The following DNTTIP1 variants were observed in gnomAD, a reference collection of about 807,000 sequenced individuals.
DNTTIP1 encodes the protein deoxynucleotidyltransferase terminal-interacting protein 1.
A neutral mutation model predicts 52.9 loss-of-function variants in DNTTIP1; 22 were observed. The observed-to-expected ratio is 0.42, with a 90% confidence interval of 0.30 to 0.59. The LOEUF (loss-of-function observed/expected upper bound fraction) is 0.59. Among genes scored for constraint, DNTTIP1 ranks in the 20% least tolerant of loss-of-function variants. DNTTIP1 has a pLI of 0.22. For missense variants in DNTTIP1, 286 were observed against 435.5 expected, an observed-to-expected ratio of 0.66 and a Z score of 3.06; for synonymous variants, 136 against 155.1, an observed-to-expected ratio of 0.88 and a Z score of 0.92.
rs1158439842 is a variant in DNTTIP1 at position 45,800,736 on chromosome 20, T to A, written c.373-338T>A. On this transcript the variant is annotated intron_variant, in intron 4 of 12. Coordinates refer to ENST00000372622, the MANE Select transcript of DNTTIP1 (RefSeq NM_052951.3). ...ATATATATATATATATATATATATA[T>A]ATATATATATATATATATATTTGGA... is the stretch of plus-strand genomic sequence containing the variant. Among the ~76,000 whole-genome samples, 109 of 68,872 alleles carry A rather than the reference T, an allele frequency of 1.6e-3. 14 individuals are homozygous for A. The highest frequency in any genetic ancestry group is 9.6e-3 in the Middle Eastern group (1 of 104). The allele number at this position is 68,872 out of a possible 152,430, so 45.2% of individuals were successfully genotyped here. A position where few individuals can be genotyped will look rare whatever the true frequency, so the allele number is the denominator to read the frequency against.
At chr20:45,792,249 T>A in intron 1 of DNTTIP1, 140 bp downstream of exon 1, 1 of 474,176 alleles carries the variant, frequency 2.1e-6, no homozygotes, top group Non-Finnish European at 3.4e-6. Flanking sequence ...GACCTGGATT[T>A]AAATTCTGGT....
At chr20:45,810,279 C>G (rs537612987) in intron 11 of DNTTIP1, among the ~76,000 whole-genome samples, 25 of 152,266 alleles carry the variant, frequency 1.6e-4, no homozygotes, top group African/African-American at 5.1e-4. Context: ...GGGCCCTCAC[C>G]CACTGTAGAC....
chr20:45,809,256 G>T lies in DNTTIP1; in HGVS notation c.795+71G>T. 1 of 1,347,594 alleles carries T rather than the reference G, an allele frequency of 7.4e-7. No homozygotes were observed. The highest frequency in any genetic ancestry group is 1.2e-5 in the South Asian group (1 of 84,768). 83.5% of individuals were successfully genotyped at this position (1,347,594 alleles called of 1,614,324 possible). On this transcript the variant is annotated intron_variant, in intron 11 of 12. Transcript: ENST00000372622. The surrounding 1 kb of genome is among the most constrained non-coding windows in gnomAD (Gnocchi z 4.2). ...GGGAACCAGGATTTTGGCTGTGGGT[G>T]ACAGCCTACCTCCAAATCTGACTTC... is the stretch of plus-strand genomic sequence containing the variant.
intron 10 of DNTTIP1, among the ~76,000 whole-genome samples, chr20:45,807,716 G>A (rs898142463): frequency 6.6e-6 from 1 of 152,048 alleles, no homozygotes. Flanking sequence ...GGAGCCCGAG[G>A]CAGGCGGGTC....
chr20:45,798,911 G>A (rs1981332468), intron 4 of DNTTIP1, among the ~76,000 whole-genome samples: 1 of 152,172 alleles, frequency 6.6e-6, no homozygotes, highest in Non-Finnish European at 1.5e-5. Flanking sequence ...CAAGCTTCCT[G>A]CTCTAATAGA....
intron 2 of DNTTIP1, 23 bp downstream of exon 2, chr20:45,792,770 CT>C: frequency 6.3e-7 from 1 of 1,598,074 alleles, no homozygotes; most frequent in Admixed American, 1.8e-5. Context: ...CTGCATGGGG[CT>C]TATATCCCAG....
chr20:45,797,477 A>C (rs1981279791), intron 4 of DNTTIP1, among the ~76,000 whole-genome samples: 1 of 152,264 alleles, frequency 6.6e-6, no homozygotes, highest in Non-Finnish European at 1.5e-5. Flanking sequence ...CAAAATTGAC[A>C]AATGGGATCT....
chr20:45,795,512 T>C (rs543684117), intron 4 of DNTTIP1, 69 bp downstream of exon 4: 708 of 1,010,056 alleles, frequency 7.0e-4, no homozygotes, highest in Non-Finnish European at 9.9e-4. Context: ...AGAAATGCGA[T>C]CTTAAGCCGG....
At position 45,811,314 on chromosome 20, in the gene DNTTIP1, C is replaced by A. The variant is rs747269116; in HGVS notation, c.*119C>A. 42 of 1,263,922 alleles carry A rather than the reference C, an allele frequency of 3.3e-5. No individual in the cohort carries two copies. The highest frequency in any genetic ancestry group is 3.7e-5 in the Non-Finnish European group (34 of 925,776). 78.3% of individuals were successfully genotyped at this position (1,263,922 alleles called of 1,614,324 possible). On this transcript the variant is annotated 3_prime_UTR_variant, in exon 13 of 13. Coordinates refer to ENST00000372622, the MANE Select transcript of DNTTIP1 (RefSeq NM_052951.3). ...TCAGCGGCATTAAGCTGTGCCTGAG[C>A]GAGTTTGTAGTGACTCACTGCACAG...
At position 45,805,516 on chromosome 20, in the gene DNTTIP1, T is replaced by C. The variant is rs541509439; in HGVS notation, c.723+150T>C. ...CTCTGCCATTCACCTTTCCCTTTCA[T>C]GATTTACTCAACACCTCTGTGCCTC... On this transcript the variant is annotated intron_variant, in intron 10 of 12. Coordinates refer to ENST00000372622, the MANE Select transcript of DNTTIP1 (RefSeq NM_052951.3). The C allele has an allele frequency of 4.4e-4, 375 of 861,766 alleles. No homozygotes were observed. In the Middle Eastern group the frequency reaches 5.8e-3, roughly 13 times the overall value. 53.4% of individuals were successfully genotyped at this position (861,766 alleles called of 1,614,324 possible).
chr20:45,800,803 G>A (rs2145701634), intron 4 of DNTTIP1, among the ~76,000 whole-genome samples: 1 of 141,102 alleles, frequency 7.1e-6, no homozygotes, highest in East Asian at 2.0e-4. Context: ...AGACCAGCCT[G>A]TCCAACATGG....
At chr20:45,792,255 C>A (rs1300077661) in intron 1 of DNTTIP1, 146 bp downstream of exon 1, 2 of 457,088 alleles carry the variant, frequency 4.4e-6, no homozygotes, top group Non-Finnish European at 7.1e-6. Flanking sequence ...GATTTAAATT[C>A]TGGTGCCGCC....
chr20:45,805,735 G>A (rs1981616424), intron 10 of DNTTIP1, among the ~76,000 whole-genome samples: 1 of 152,174 alleles, frequency 6.6e-6, no homozygotes, highest in African/African-American at 2.4e-5. Flanking sequence ...TCAAATCCAG[G>A]TCTGTCCTCA....
chr20:45,804,994 C>A, intron 8 of DNTTIP1, 152 bp from the exon 9 acceptor site: 1 of 737,356 alleles, frequency 1.4e-6, no homozygotes, highest in South Asian at 1.5e-5. Flanking sequence ...ACAGACAGGG[C>A]CTAGCATATT....
intron 3 of DNTTIP1, 64 bp from the exon 4 acceptor site, chr20:45,795,279 TCA>T: frequency 2.3e-6 from 2 of 870,878 alleles, no homozygotes; most frequent in South Asian, 3.2e-5. Context: ...TATTTTATAT[TCA>T]GTTTCCTTCA....
chr20:45,796,329 C>T, intron 4 of DNTTIP1: 1 of 375,318 alleles, frequency 2.7e-6, no homozygotes, highest in Non-Finnish European at 5.2e-6. Context: ...GAATATATAC[C>T]ATTTCTGTTT....
Position 45,809,083 on chromosome 20 carries a change from G to T in DNTTIP1, c.724-31G>T, listed in dbSNP as rs761829468. On this transcript the variant is annotated intron_variant, in intron 10 of 12. Coordinates refer to ENST00000372622, the MANE Select transcript of DNTTIP1 (RefSeq NM_052951.3). This position sits in a 1 kb window ranked among gnomAD's most constrained non-coding sequence, Gnocchi z 4.2. Reference sequence around the variant, plus strand: ...AAATGAGAAAAGCCCCTTACCCGAGGCTAATTTTCTTACAACTTCATTCCT... The same window carrying T: ...AAATGAGAAAAGCCCCTTACCCGAGTCTAATTTTCTTACAACTTCATTCCT... The T allele has an allele frequency of 6.2e-7, 1 of 1,605,432 alleles. No homozygotes were observed. Among genetic ancestry groups the T allele is most frequent in the Admixed American group, 1.7e-5 (1 of 60,002 alleles).
chr20:45,810,772 C>T, intron 11 of DNTTIP1, 113 bp from the exon 12 acceptor site: 2 of 933,192 alleles, frequency 2.1e-6, no homozygotes, highest in Non-Finnish European at 3.4e-6. Context: ...TAAACCGCAT[C>T]CCCCGCTTCC....
At chr20:45,806,819 G>A (rs575418472) in intron 10 of DNTTIP1, among the ~76,000 whole-genome samples, 1 of 152,176 alleles carries the variant, frequency 6.6e-6, no homozygotes, top group South Asian at 2.1e-4. Flanking sequence ...CCATTGCCTG[G>A]GTGGCCTTTC....
Sources: gnomAD v4.1 joint callset for allele counts (sites outside exome capture counted in the v4.1 genomes callset) on GRCh38, gnomAD v4.1.1 for gene constraint, Gnocchi (gnomAD v3.1) non-coding constraint, MANE v1.5 for transcripts, NCBI Gene and HGNC (gene_info 2026-07-23, HGNC 2026-07-21) for gene names.